CHCHD3: variants seen among roughly 807,000 people sequenced by gnomAD.
CHCHD3 encodes the protein MICOS complex subunit MIC19.
A neutral mutation model predicts 38.2 loss-of-function variants in CHCHD3; 20 were observed. The ratio of observed to expected loss-of-function variants is 0.52; its 90% CI spans 0.37 to 0.76. The LOEUF (loss-of-function observed/expected upper bound fraction) is 0.76. CHCHD3 is among the 30% of genes least tolerant of loss of function. CHCHD3 has a pLI of 0.00. For synonymous variants in CHCHD3, 82 were observed against 100.0 expected (o/e 0.82, Z 1.07); for missense variants, 245 against 279.2 (o/e 0.88, Z 0.87).
At chr7:132,880,651 T>C (rs953632991) in intron 5 of CHCHD3, among the ~76,000 whole-genome samples, 1 of 149,480 alleles carries the variant, frequency 6.7e-6, no homozygotes, top group Non-Finnish European at 1.5e-5. Flanking sequence ...AAGAAAAAAA[T>C]AGAAAATACA....
intron 6 of CHCHD3, among the ~76,000 whole-genome samples, chr7:132,801,550 C>A (rs992512572): frequency 2.0e-5 from 3 of 152,168 alleles, no homozygotes; most frequent in African/African-American, 7.2e-5. Context: ...TCTACCATCA[C>A]AACACAAAAT....
chr7:133,062,289 A>C (rs1814539684), intron 2 of CHCHD3, among the ~76,000 whole-genome samples: 1 of 152,184 alleles, frequency 6.6e-6, no homozygotes, highest in Non-Finnish European at 1.5e-5. Flanking sequence ...AATCTGTCAA[A>C]TTCCAAGAAA....
Position 132,838,377 on chromosome 7 carries a change from T to A in CHCHD3, c.524+22A>T, listed in dbSNP as rs1236351728. On this transcript the variant is annotated intron_variant, in intron 6 of 7. Coordinates refer to ENST00000262570, the MANE Select transcript of CHCHD3 (RefSeq NM_017812.4). ...CATCTTGTTAAGAATAGTAAATAAT[T>A]ATAATACTATTAAAAACTTACTTGA... The A allele has an allele frequency of 2.0e-6, 3 of 1,511,190 alleles. No individual in the cohort carries two copies. The Admixed American group carries it at 5.1e-5, about 25-fold the overall frequency. 93.6% of individuals were successfully genotyped at this position (1,511,190 alleles called of 1,614,324 possible).
chr7:132,941,181 T>C lies in CHCHD3; in HGVS notation c.369+33988A>G, dbSNP rs575067452. On this transcript the variant is annotated intron_variant, in intron 4 of 7. Transcript: ENST00000262570. ...TCCTCAAATTTGAGACTATATCCAA[T>C]GTTAAGAAATAGCTAAATATTGATG... is the stretch of plus-strand genomic sequence containing the variant. 1.1e-4 allele frequency among the ~76,000 whole-genome samples: 17 copies of C among 152,316 alleles called. 4 individuals carry two copies. In the South Asian group the frequency reaches 3.5e-3, roughly 32 times the overall value.
chr7:133,076,883 G>GA (rs951900777), intron 1 of CHCHD3, among the ~76,000 whole-genome samples: 78 of 152,242 alleles, frequency 5.1e-4, no homozygotes, highest in South Asian at 1.5e-3. Context: ...TCTTCTTCCA[G>GA]ATGTGTCCTA....
At position 132,975,369 on chromosome 7, in the gene CHCHD3, T is replaced by C. The variant is rs572819030; in HGVS notation, c.252-83A>G. 52 of 1,175,638 alleles carry C rather than the reference T, an allele frequency of 4.4e-5. No individual in the cohort carries two copies. The South Asian group carries it at 7.2e-4, about 16-fold the overall frequency. 72.8% of individuals were successfully genotyped at this position (1,175,638 alleles called of 1,614,324 possible). ...TCTATCAAATGAAATAATTTAAAAA[T>C]AGAAACACATAGCCAAAAAGGTCAA... On this transcript the variant is annotated intron_variant, in intron 3 of 7. Transcript: ENST00000262570.
At chr7:132,859,696 T>C (rs553182419) in intron 5 of CHCHD3, among the ~76,000 whole-genome samples, 1 of 152,344 alleles carries the variant, frequency 6.6e-6, no homozygotes, top group African/African-American at 2.4e-5. Flanking sequence ...TCCTGCCTCC[T>C]TCCCCTTCAG....
In CHCHD3 at chr7:132,929,808, T is replaced by C. The variant is rs534908509; in HGVS notation, c.370-44063A>G. Among the ~76,000 whole-genome samples the C allele has an allele frequency of 5.9e-5, 9 of 152,234 alleles. No individual in the cohort carries two copies. In the South Asian group the frequency reaches 1.9e-3, roughly 32 times the overall value. The stretch of plus-strand genomic sequence containing the variant: ...GGGCACAGGAAGCTTTCCTTTATGG[T>C]AAAGGGGTAGATGCTTGAGAGCTGA... On this transcript the variant is annotated intron_variant, in intron 4 of 7. Coordinates refer to ENST00000262570, the MANE Select transcript of CHCHD3 (RefSeq NM_017812.4).
intron 2 of CHCHD3, among the ~76,000 whole-genome samples, chr7:133,026,993 A>G (rs1584653917): frequency 6.6e-6 from 1 of 151,210 alleles, no homozygotes; most frequent in African/African-American, 2.4e-5. Context: ...GTTGGAGTGC[A>G]GTGCCGTGAT....
At chr7:132,863,706 T>C (rs1808547109) in intron 5 of CHCHD3, among the ~76,000 whole-genome samples, 1 of 152,248 alleles carries the variant, frequency 6.6e-6, no homozygotes, top group Non-Finnish European at 1.5e-5. Flanking sequence ...GTAGTCACCT[T>C]CATCAATGAC....
intron 3 of CHCHD3, among the ~76,000 whole-genome samples, chr7:132,979,203 G>A (rs899416665): frequency 7.9e-5 from 12 of 152,062 alleles, no homozygotes; most frequent in African/African-American, 2.9e-4. Flanking sequence ...TGAAAAAGGT[G>A]GTGGCAGGGG....
At chr7:132,943,535 T>C (rs1025995297) in intron 4 of CHCHD3, among the ~76,000 whole-genome samples, 8 of 152,060 alleles carry the variant, frequency 5.3e-5, no homozygotes, top group African/African-American at 1.9e-4. Context: ...GCTGGTGAGA[T>C]ACCACATGCC....
intron 5 of CHCHD3, among the ~76,000 whole-genome samples, chr7:132,850,464 T>C (rs1182758034): frequency 7.1e-6 from 1 of 140,482 alleles, no homozygotes; most frequent in Non-Finnish European, 1.6e-5. Flanking sequence ...TTTTTTTTTT[T>C]CTTGATTTGG....
At chr7:133,070,631 T>C (rs972106695) in intron 1 of CHCHD3, among the ~76,000 whole-genome samples, 48 of 152,020 alleles carry the variant, frequency 3.2e-4, no homozygotes, top group African/African-American at 1.2e-3. Flanking sequence ...GTTCCTTCCC[T>C]CTCCCCTCCC....
rs576328306 is a variant in CHCHD3, at chr7:132,901,917, A to T, written c.370-16172T>A. On this transcript the variant is annotated intron_variant, in intron 4 of 7. Transcript: ENST00000262570. ...TGCCTATTCCTGAATGGTATTGCCT[A>T]GGTTTTCTTCTAGGGTTTTTTCTTC... Among the ~76,000 whole-genome samples the T allele has an allele frequency of 4.6e-5, 7 of 152,214 alleles. No individual in the cohort carries two copies. In the East Asian group the frequency reaches 9.7e-4, roughly 21 times the overall value.
At chr7:133,016,719 A>G (rs1222488503) in intron 3 of CHCHD3, among the ~76,000 whole-genome samples, 1 of 152,234 alleles carries the variant, frequency 6.6e-6, no homozygotes, top group Non-Finnish European at 1.5e-5. Context: ...GAGGGGAAAC[A>G]GGGACTCTCT....
intron 3 of CHCHD3, among the ~76,000 whole-genome samples, chr7:132,981,055 G>A (rs890793405): frequency 7.2e-5 from 11 of 151,882 alleles, no homozygotes; most frequent in South Asian, 2.1e-4. Flanking sequence ...GCATGATCTC[G>A]GCTCACTGCA....
chr7:132,805,177 AAACTTAT>A (rs1172059996), intron 6 of CHCHD3, among the ~76,000 whole-genome samples: 1 of 152,250 alleles, frequency 6.6e-6, no homozygotes, highest in African/African-American at 2.4e-5. Context: ...CTCCCCCAAG[AAACTTAT>A]TTACTGGGGG....
chr7:132,859,165 C>T (rs1808420316), intron 5 of CHCHD3, among the ~76,000 whole-genome samples: 1 of 152,096 alleles, frequency 6.6e-6, no homozygotes, highest in Non-Finnish European at 1.5e-5. Context: ...TAGGAGGTGG[C>T]ATTTAGCCTC....
Sources: allele counts gnomAD v4.1 joint callset (sites outside exome capture counted in the v4.1 genomes callset), GRCh38; gene constraint gnomAD v4.1.1; transcripts MANE v1.5; gene names NCBI Gene and HGNC (gene_info 2026-07-23, HGNC 2026-07-21).